XRCC4: variants seen among roughly 807,000 people sequenced by gnomAD.
XRCC4 encodes X-ray repair cross complementing 4, also known as DNA repair protein XRCC4.
Under a neutral mutation model 39.1 loss-of-function variants are expected in XRCC4, and 28 were observed. That is an observed-to-expected ratio of 0.72 (90% confidence interval 0.53 to 0.98). The LOEUF (loss-of-function observed/expected upper bound fraction) is 0.98, where lower values mean the gene tolerates loss of function less well. Ranked by LOEUF, XRCC4 falls within the 50% of genes least tolerant of loss-of-function variation. XRCC4 has a pLI of 0.00. For synonymous variants in XRCC4, 123 were observed against 126.4 expected, an observed-to-expected ratio of 0.97 and a Z score of 0.18; for missense variants, 350 against 376.4, an observed-to-expected ratio of 0.93 and a Z score of 0.58.
intron 6 of XRCC4, among the ~76,000 whole-genome samples, chr5:83,214,801 C>A (rs1751789537): frequency 7.0e-6 from 1 of 142,170 alleles, no homozygotes. Flanking sequence ...CGCGCCACTG[C>A]AATCCAGCCT....
rs774469534 is a variant in XRCC4 at position 83,203,724 on chromosome 5, G to A, written c.638+17G>A. ...ACAAGAAGGGTATTTTCGCTATCTT[G>A]TTTTTGGATGACAGATGAATACATT... On this transcript the variant is annotated intron_variant, in intron 5 of 7. Transcript: ENST00000396027. 1 of 1,606,826 alleles carries A rather than the reference G, an allele frequency of 6.2e-7. No individual in the cohort carries two copies. Among genetic ancestry groups the A allele is most frequent in the Non-Finnish European group, 8.5e-7 (1 of 1,177,164 alleles).
chr5:83,352,244 A>T (rs1757103993), intron 7 of XRCC4, among the ~76,000 whole-genome samples: 1 of 152,178 alleles, frequency 6.6e-6, no homozygotes, highest in Admixed American at 6.5e-5. Context: ...GAACTTGGAA[A>T]TAGAGGGGTA....
In XRCC4 at chr5:83,203,722, T is replaced by C. The variant is rs1751307287; in HGVS notation, c.638+15T>C. 6.2e-7 allele frequency: 1 copy of C among 1,607,648 alleles called. No individual in the cohort carries two copies. The highest frequency in any genetic ancestry group is 1.7e-5 in the Admixed American group (1 of 58,928). ...AAACAAGAAGGGTATTTTCGCTATCTTGTTTTTGGATGACAGATGAATACA... is the reference window on the plus strand; with the variant it reads ...AAACAAGAAGGGTATTTTCGCTATCCTGTTTTTGGATGACAGATGAATACA... On this transcript the variant is annotated intron_variant, in intron 5 of 7. Transcript: ENST00000396027.
intron 1 of XRCC4, among the ~76,000 whole-genome samples, chr5:83,095,104 A>G (rs917840826): frequency 1.1e-4 from 17 of 152,086 alleles, no homozygotes; most frequent in African/African-American, 3.6e-4. Context: ...TCTAGCCTAT[A>G]CTTCTGGAGG....
intron 6 of XRCC4, among the ~76,000 whole-genome samples, chr5:83,242,663 A>G (rs916082451): frequency 2.0e-5 from 3 of 151,876 alleles, no homozygotes; most frequent in African/African-American, 7.3e-5. Flanking sequence ...TTTAACTCCA[A>G]ATTTCTAATG....
chr5:83,355,542 C>G (rs1757180651), downstream of XRCC4, among the ~76,000 whole-genome samples: 1 of 152,202 alleles, frequency 6.6e-6, no homozygotes, highest in African/African-American at 2.4e-5. Flanking sequence ...TGAAATTTAG[C>G]TGGATGACTT....
chr5:83,217,195 AAC>A (rs1244098723), intron 6 of XRCC4, among the ~76,000 whole-genome samples: 1 of 151,768 alleles, frequency 6.6e-6, no homozygotes, highest in Non-Finnish European at 1.5e-5. Context: ...CTCTACTAAA[AAC>A]ACACAAAAAA....
chr5:83,156,755 T>C (rs1748984907), intron 3 of XRCC4, among the ~76,000 whole-genome samples: 1 of 152,118 alleles, frequency 6.6e-6, no homozygotes, highest in African/African-American at 2.4e-5. Context: ...TAAATATCCA[T>C]ACATTTTTGG....
chr5:83,227,737 A>G (rs990707773), intron 6 of XRCC4, among the ~76,000 whole-genome samples: 2 of 152,128 alleles, frequency 1.3e-5, no homozygotes, highest in African/African-American at 4.8e-5. Flanking sequence ...CTATAATGTC[A>G]TCATGCACTC....
chr5:83,125,986 C>CAAA (rs35711158), intron 3 of XRCC4, among the ~76,000 whole-genome samples: 1 of 108,448 alleles, frequency 9.2e-6, no homozygotes, highest in Non-Finnish European at 1.9e-5. Context: ...TCCATCTCAT[C>CAAA]AAAAAAAAAA....
At chr5:83,298,774 G>T (rs565520276) in intron 7 of XRCC4, among the ~76,000 whole-genome samples, 1 of 151,974 alleles carries the variant, frequency 6.6e-6, no homozygotes, top group East Asian at 1.9e-4. Flanking sequence ...AAAGTATAAA[G>T]TCAACCAAGT....
At chr5:83,120,106 T>C (rs1428050438) in intron 3 of XRCC4, among the ~76,000 whole-genome samples, 1 of 152,178 alleles carries the variant, frequency 6.6e-6, no homozygotes, top group African/African-American at 2.4e-5. Flanking sequence ...GACATTTCAA[T>C]TTAACAATAT....
chr5:83,184,231 T>C (rs1561387631), intron 3 of XRCC4, among the ~76,000 whole-genome samples: 1 of 152,116 alleles, frequency 6.6e-6, no homozygotes, highest in Non-Finnish European at 1.5e-5. Flanking sequence ...AAAATACTTA[T>C]TTTTATGATT....
chr5:83,160,483 C>T (rs1461783696), intron 3 of XRCC4, among the ~76,000 whole-genome samples: 1 of 152,114 alleles, frequency 6.6e-6, no homozygotes, highest in African/African-American at 2.4e-5. Context: ...TTGGTGGTAA[C>T]AGCCTCTTTG....
chr5:83,270,808 CAG>C (rs1754121026), intron 7 of XRCC4, among the ~76,000 whole-genome samples: 1 of 142,530 alleles, frequency 7.0e-6, no homozygotes, highest in Non-Finnish European at 1.5e-5. Flanking sequence ...TTTTTTGAGA[CAG>C]AGTCTCACTC....
At chr5:83,320,730 G>T (rs1436158063) in intron 7 of XRCC4, among the ~76,000 whole-genome samples, 1 of 151,430 alleles carries the variant, frequency 6.6e-6, no homozygotes, top group Non-Finnish European at 1.5e-5. Flanking sequence ...CAGCAAAAAA[G>T]GTTACAACTT....
At chr5:83,369,353 T>C in the XRCC4 span, among the ~76,000 whole-genome samples, 4 of 152,184 alleles carry the variant, frequency 2.6e-5, no homozygotes, top group African/African-American at 9.7e-5. Flanking sequence ...GTCACCCTGG[T>C]ATTGAGCATA....
At chr5:83,093,144 A>G (rs1301342274) in intron 1 of XRCC4, among the ~76,000 whole-genome samples, 1 of 152,092 alleles carries the variant, frequency 6.6e-6, no homozygotes, top group Non-Finnish European at 1.5e-5. Flanking sequence ...CACAAATGGT[A>G]ACCAAAAATC....
intron 3 of XRCC4, among the ~76,000 whole-genome samples, chr5:83,195,214 A>G (rs1750888925): frequency 6.6e-6 from 1 of 152,114 alleles, no homozygotes; most frequent in Non-Finnish European, 1.5e-5. Context: ...CAAAAGTACT[A>G]AAGCTTGACA....
Sources: gnomAD v4.1 joint callset for allele counts (sites outside exome capture counted in the v4.1 genomes callset) on GRCh38, gnomAD v4.1.1 for gene constraint, MANE v1.5 for transcripts, NCBI Gene and HGNC (gene_info 2026-07-23, HGNC 2026-07-21) for gene names.